CDYL: variants seen among roughly 807,000 people sequenced by gnomAD.
The protein encoded by CDYL is chromodomain Y-like protein.
In CDYL, 8 loss-of-function variants were observed where a neutral mutation model predicts 47.3. That is an observed-to-expected ratio of 0.17 (90% CI 0.10 to 0.31). The LOEUF (loss-of-function observed/expected upper bound fraction) is 0.31. CDYL is among the 10% of genes least tolerant of loss of function. CDYL has a pLI of 1.00. For missense variants in CDYL, 471 were observed against 701.4 expected, an observed-to-expected ratio of 0.67 and a Z score of 3.71; for synonymous variants, 266 against 265.0, an observed-to-expected ratio of 1.00 and a Z score of -0.04.
intron 3 of CDYL, among the ~76,000 whole-genome samples, chr6:4,746,776 A>G (rs547227773): frequency 6.6e-6 from 1 of 152,116 alleles, no homozygotes. Context: ...GCTGGCATAG[A>G]CTAATGGGAG....
Position 4,832,091 on chromosome 6 carries a change from G to A in CDYL, c.24+55284G>A, listed in dbSNP as rs866603125. ...TTTCCTTCTCCTGCCTAATTGCCCT[G>A]GCCAGAACTTCCAACACTATGTTGA... On this transcript the variant is annotated intron_variant, in intron 1 of 6. Transcript: ENST00000397588. Among the ~76,000 whole-genome samples, 596 of 151,786 alleles carry A rather than the reference G, an allele frequency of 3.9e-3. 2 individuals are homozygous for A. Among genetic ancestry groups the A allele is most frequent in the African/African-American group, 0.013 (557 of 41,318 alleles).
chr6:4,714,388 A>G (rs1336191706), intron 1 of CDYL: 1 of 152,236 alleles, frequency 6.6e-6, no homozygotes, highest in Non-Finnish European at 1.5e-5. Context: ...GCAGTGTCTC[A>G]TCCAAACAAG....
At chr6:4,790,529 C>T (rs1047051798) in intron 1 of CDYL, among the ~76,000 whole-genome samples, 1 of 152,206 alleles carries the variant, frequency 6.6e-6, no homozygotes, top group African/African-American at 2.4e-5. Flanking sequence ...AGTTCCTCAT[C>T]TGCCTTTTCC....
At chr6:4,724,409 A>T (rs1351913110) in intron 2 of CDYL, 1 of 152,136 alleles carries the variant, frequency 6.6e-6, no homozygotes, top group Non-Finnish European at 1.5e-5. Flanking sequence ...GTCAGGGCTT[A>T]CCTTGATGGG....
chr6:4,883,218 G>A (rs1761810834), intron 1 of CDYL, among the ~76,000 whole-genome samples: 1 of 152,098 alleles, frequency 6.6e-6, no homozygotes, highest in Non-Finnish European at 1.5e-5. Context: ...AGGGAAGTGG[G>A]GAGTGCATTA....
chr6:4,892,423 G>T, intron 2 of CDYL, 44 bp downstream of exon 2: 1 of 1,538,102 alleles, frequency 6.5e-7, no homozygotes, highest in Non-Finnish European at 8.7e-7. Flanking sequence ...TGATCCCAGA[G>T]GGCTCGGGTC....
chr6:4,929,222 G>A, intron 2 of CDYL, among the ~76,000 whole-genome samples: 1 of 151,196 alleles, frequency 6.6e-6, no homozygotes, highest in Non-Finnish European at 1.5e-5. Context: ...GTGTATATAG[G>A]TTGGCTTTTT....
intron 3 of CDYL, among the ~76,000 whole-genome samples, chr6:4,749,307 A>AGATG (rs61073067): frequency 0.75 from 109,921 of 146,482 alleles, 42,186 homozygotes; most frequent in East Asian, 0.9. Flanking sequence ...ATGGATGGAT[A>AGATG]GATGGATGGA....
chr6:4,813,780 T>A (rs115926864), intron 1 of CDYL, among the ~76,000 whole-genome samples: 239 of 152,324 alleles, frequency 1.6e-3, no homozygotes, highest in Non-Finnish European at 2.6e-3. Flanking sequence ...TTCGTTTTTC[T>A]GTTTTTTTTC....
rs34649909 is a variant in CDYL at position 4,943,770 on chromosome 6, TAAAA to T, written c.1332+28_1332+31del. ...GGAGGAGCATCTGTGAGTACCTTTT[TAAAA>T]AAAAAAAAAAAAAGTCATTCTAGAA... is the stretch of plus-strand genomic sequence containing the variant. On this transcript the variant is annotated intron_variant, in intron 5 of 6. Transcript: ENST00000397588. The T allele has an allele frequency of 5.5e-5, 64 of 1,173,436 alleles. No individual in the cohort carries two copies. Among genetic ancestry groups the T allele is most frequent in the Admixed American group, 2.2e-4 (9 of 40,584 alleles). The allele number at this position is 1,173,436 out of a possible 1,614,324, so 72.7% of individuals were successfully genotyped here. A position where few individuals can be genotyped will look rare whatever the true frequency, so the allele number is the denominator to read the frequency against.
chr6:4,855,714 A>G (rs1435185910), intron 1 of CDYL, among the ~76,000 whole-genome samples: 1 of 152,238 alleles, frequency 6.6e-6, no homozygotes, highest in African/African-American at 2.4e-5. Context: ...GTAAGCATAT[A>G]AGATGAAAAG....
chr6:4,766,900 A>T (rs1237081012), intron 3 of CDYL, among the ~76,000 whole-genome samples: 1 of 151,640 alleles, frequency 6.6e-6, no homozygotes, highest in African/African-American at 2.4e-5. Flanking sequence ...ACTTGGGGGG[A>T]GCTGATGTGG....
intron 3 of CDYL, among the ~76,000 whole-genome samples, chr6:4,738,389 T>A (rs1757739491): frequency 2.8e-5 from 1 of 35,406 alleles, no homozygotes; most frequent in Non-Finnish European, 5.2e-5. Flanking sequence ...AGAAAAGTAG[T>A]AATAAGTAAA....
At chr6:4,740,265 A>C (rs1439056878) in intron 3 of CDYL, among the ~76,000 whole-genome samples, 1 of 152,166 alleles carries the variant, frequency 6.6e-6, no homozygotes, top group Non-Finnish European at 1.5e-5. Context: ...TGTATCACAG[A>C]ACAACACAGT....
intron 1 of CDYL, among the ~76,000 whole-genome samples, chr6:4,823,227 A>T (rs904284052): frequency 3.3e-5 from 5 of 152,214 alleles, no homozygotes; most frequent in African/African-American, 1.2e-4. Context: ...TTAATTACCT[A>T]ATTGATCTTA....
At chr6:4,847,271 C>A (rs1255396331) in intron 1 of CDYL, among the ~76,000 whole-genome samples, 1 of 152,192 alleles carries the variant, frequency 6.6e-6, no homozygotes, top group African/African-American at 2.4e-5. Flanking sequence ...ATTACTTTGT[C>A]ACTTGCCGCC....
chr6:4,736,767 A>G (rs2063384012), intron 3 of CDYL, among the ~76,000 whole-genome samples: 1 of 152,170 alleles, frequency 6.6e-6, no homozygotes. Flanking sequence ...AGTGCACATG[A>G]AACATTGAAA....
At chr6:4,919,339 A>G (rs1348378798) in intron 2 of CDYL, among the ~76,000 whole-genome samples, 1 of 152,124 alleles carries the variant, frequency 6.6e-6, no homozygotes, top group Non-Finnish European at 1.5e-5. Flanking sequence ...TTGTGAAGGT[A>G]TTGTCTCTAA....
At position 4,854,032 on chromosome 6, in the gene CDYL, C is replaced by A. The variant is rs183045856; in HGVS notation, c.25-37681C>A. Among the ~76,000 whole-genome samples the A allele has an allele frequency of 1.4e-3, 217 of 152,320 alleles. 12 individuals carry two copies. In the South Asian group the frequency reaches 0.044, roughly 31 times the overall value. On this transcript the variant is annotated intron_variant, in intron 1 of 6. Transcript: ENST00000397588. ...AGGTGAGCTCCTGCTCGTGGTGAGT[C>A]CCCTTGAAGTGTGTGTACTTTGCAC... is the stretch of plus-strand genomic sequence containing the variant.
Sources: gnomAD v4.1 joint callset for allele counts (sites outside exome capture counted in the v4.1 genomes callset) on GRCh38, gnomAD v4.1.1 for gene constraint, MANE v1.5 for transcripts, NCBI Gene and HGNC (gene_info 2026-07-23, HGNC 2026-07-21) for gene names.